IRS4: variants seen among roughly 807,000 people sequenced by gnomAD.
IRS4 encodes 160 kDa phosphotyrosine protein.
In IRS4, 15 loss-of-function variants were observed where a neutral mutation model predicts 48.6. The ratio of observed to expected loss-of-function variants is 0.31; its 90% CI spans 0.21 to 0.48. The LOEUF is 0.48. IRS4 is among the 20% of genes least tolerant of loss of function. IRS4 has a pLI of 0.99. For missense variants in IRS4, 987 were observed against 1,023.4 expected, an observed-to-expected ratio of 0.96 and a Z score of 0.49; for synonymous variants, 459 against 413.2, an observed-to-expected ratio of 1.11 and a Z score of -1.34.
chrX:108,727,851 G>T (rs1454560538), intron 1 of IRS4, among the ~76,000 whole-genome samples: 3 of 112,168 alleles, frequency 2.7e-5, no homozygotes, highest in Non-Finnish European at 5.6e-5. Context: ...ACTGCCAAAA[G>T]CAAGTTCACT....
chrX:108,721,071 T>G lies in IRS4; in HGVS notation c.*1448A>C, dbSNP rs1433625319. 8.9e-6 allele frequency: 1 copy of G among 112,477 alleles called. No individual in the cohort carries two copies. Among genetic ancestry groups the G allele is most frequent in the Non-Finnish European group, 1.9e-5 (1 of 53,286 alleles). The allele number at this position is 112,477 out of a possible 1,213,427, so 9.3% of individuals were successfully genotyped here. On this transcript the variant is annotated 3_prime_UTR_variant, in exon 2 of 2. Coordinates refer to ENST00000372129, the MANE Select transcript of IRS4 (RefSeq NM_001379150.1). Reference sequence around the variant, plus strand: ...CGAAGCAAATTTCATTTTAACAGAGTTTACACACAACAGGTACATCTACAA... The same window carrying G: ...CGAAGCAAATTTCATTTTAACAGAGGTTACACACAACAGGTACATCTACAA...
rs2068854129 is a variant in IRS4 at position 108,721,055 on chromosome X, T to A, written c.*1464A>T. On this transcript the variant is annotated 3_prime_UTR_variant, in exon 2 of 2. Transcript: ENST00000372129. ...AGTTGCACATTAAATGCGAAGCAAATTTCATTTTAACAGAGTTTACACACA... is the reference window on the plus strand; with the variant it reads ...AGTTGCACATTAAATGCGAAGCAAAATTCATTTTAACAGAGTTTACACACA... 8.9e-6 allele frequency: 1 copy of A among 112,943 alleles called. No homozygotes were observed. Among genetic ancestry groups the A allele is most frequent in the Non-Finnish European group, 1.9e-5 (1 of 53,413 alleles). The allele number at this position is 112,943 out of a possible 1,213,427, so 9.3% of individuals were successfully genotyped here. A position where few individuals can be genotyped will look rare whatever the true frequency, so the allele number is the denominator to read the frequency against.
Position 108,721,850 on chromosome X carries a change from A to G in IRS4, c.*669T>C, listed in dbSNP as rs769965892. The G allele has an allele frequency of 8.9e-6, 1 of 112,245 alleles. No homozygotes were observed. The highest frequency in any genetic ancestry group is 3.2e-5 in the African/African-American group (1 of 30,976). The allele number at this position is 112,245 out of a possible 1,213,427, so 9.3% of individuals were successfully genotyped here. On this transcript the variant is annotated 3_prime_UTR_variant, in exon 2 of 2. Coordinates refer to ENST00000372129, the MANE Select transcript of IRS4 (RefSeq NM_001379150.1). ...AATGTTGGAAATGCTCAATCAAGATATTAGTTTCATTGACATATAACATGA... is the reference window on the plus strand; with the variant it reads ...AATGTTGGAAATGCTCAATCAAGATGTTAGTTTCATTGACATATAACATGA...
Position 108,720,360 on chromosome X carries a change from ATAAAT to A in IRS4, c.*2154_*2158del, listed in dbSNP as rs2068851675. On this transcript the variant is annotated 3_prime_UTR_variant, in exon 2 of 2. Transcript: ENST00000372129. ...AAAGATTCTTCCAGCACAATACTGA[ATAAAT>A]TAATTGTCTGTAAACTAATAAATAA... The A allele has an allele frequency of 1.8e-5, 2 of 112,506 alleles. No individual in the cohort carries two copies. Among genetic ancestry groups the A allele is most frequent in the African/African-American group, 6.5e-5 (2 of 30,961 alleles). 9.3% of individuals were successfully genotyped at this position (112,506 alleles called of 1,213,427 possible).
At chrX:108,729,040 C>G (rs2068887179) in intron 1 of IRS4, among the ~76,000 whole-genome samples, 1 of 111,703 alleles carries the variant, frequency 9.0e-6, no homozygotes, top group African/African-American at 3.3e-5. Context: ...AGGACAAATA[C>G]CTCATTAGTC....
intron 1 of IRS4, chrX:108,725,938 C>G (rs1436275606): frequency 8.9e-6 from 1 of 111,923 alleles, no homozygotes; most frequent in Admixed American, 9.5e-5. Context: ...CATGTGCATT[C>G]CAGTCTTGAG....
rs2068917832 is a variant in IRS4, at chrX:108,733,217, C to A, written c.3128G>T (p.Gly1043Val). The A allele has an allele frequency of 2.5e-6, 3 of 1,210,087 alleles. No homozygotes were observed. The highest frequency in any genetic ancestry group is 3.4e-6 in the Non-Finnish European group (3 of 895,305). Residue 1043 changes from glycine to valine, a missense_variant, in exon 1 of 2, where the codon GGT becomes GTT. Physicochemically the swap from Gly to Val is moderately radical, Grantham distance 109. This residue lies in a region of IRS4 where 720 missense variants were observed against 660.3 expected (regional missense o/e 1.09). Coordinates refer to ENST00000372129, the MANE Select transcript of IRS4 (RefSeq NM_001379150.1). The stretch of plus-strand genomic sequence containing the variant: ...AAATGGGTCGACCACATAGATTCGA[C>A]CTGTTTCAGCATCATAGCGAATGGC... ...DSAIRYDAET[G>V]RIYVVDPFSE...
chrX:108,733,876 A>C lies in IRS4; in HGVS notation c.2469T>G (p.Asn823Lys). 8.3e-6 allele frequency: 10 copies of C among 1,211,393 alleles called. No individual in the cohort carries two copies. The highest frequency in any genetic ancestry group is 1.1e-5 in the Non-Finnish European group (10 of 895,456). ...NPFRSSPLGQNDNSEYVPMLP... is the reference protein window; with the variant it reads ...NPFRSSPLGQKDNSEYVPMLP... ...ACATTGGCACATACTCACTGTTGTC[A>C]TTCTGTCCCAAAGGTGAGCTCCGAA... Residue 823 changes from asparagine to lysine, a missense_variant, in exon 1 of 2, where the codon AAT (asparagine) becomes AAG (lysine). Transcript: ENST00000372129.
rs974342460 is a variant in IRS4, at chrX:108,721,871, CAT to C, written c.*646_*647del. 4 of 111,853 alleles carry C rather than the reference CAT, an allele frequency of 3.6e-5. No homozygotes were observed. The highest frequency in any genetic ancestry group is 7.5e-5 in the Non-Finnish European group (4 of 53,158). 9.2% of individuals were successfully genotyped at this position (111,853 alleles called of 1,213,427 possible). A position where few individuals can be genotyped will look rare whatever the true frequency, so the allele number is the denominator to read the frequency against. On this transcript the variant is annotated 3_prime_UTR_variant, in exon 2 of 2. Transcript: ENST00000372129. ...AGATATTAGTTTCATTGACATATAA[CAT>C]GAGCAGAATGTTGCAGTTTTGCTAA...
Position 108,721,642 on chromosome X carries a change from GC to G in IRS4, c.*876del, listed in dbSNP as rs2068856420. The G allele has an allele frequency of 9.0e-6, 1 of 110,949 alleles. No individual in the cohort carries two copies. Among genetic ancestry groups the G allele is most frequent in the East Asian group, 2.8e-4 (1 of 3,559 alleles). 9.1% of individuals were successfully genotyped at this position (110,949 alleles called of 1,213,427 possible). A position where few individuals can be genotyped will look rare whatever the true frequency, so the allele number is the denominator to read the frequency against. On this transcript the variant is annotated 3_prime_UTR_variant, in exon 2 of 2. Coordinates refer to ENST00000372129, the MANE Select transcript of IRS4 (RefSeq NM_001379150.1). ...GAATAGAGGTTGAAAGTGGGGAGAG[GC>G]CCAGAGAAGCAGGGAGGGGCCTTGG...
intron 1 of IRS4, chrX:108,723,700 G>A (rs1012621405): frequency 8.9e-6 from 1 of 112,437 alleles, no homozygotes; most frequent in South Asian, 3.7e-4. Context: ...GCAACATGGT[G>A]AAACCCTGTC....
chrX:108,730,298 ACACCACCACCAC>A (rs1177982399), intron 1 of IRS4, among the ~76,000 whole-genome samples: 20 of 105,782 alleles, frequency 1.9e-4, no homozygotes, highest in South Asian at 4.3e-4. Flanking sequence ...ACCACCATCA[ACACCACCACCAC>A]CACCACCACC....
Position 108,732,938 on chromosome X carries a change from G to C in IRS4, c.3407C>G (p.Ala1136Gly). Reference protein sequence around the residue: ...PTLALSQVVAAASALAAAPGI... With the variant: ...PTLALSQVVAGASALAAAPGI... ...CGGGGCTGCGGCGAGCGCGGAGGCC[G>C]CAGCTACAACTTGGCTGAGGGCTAA... The change falls in exon 1 of 2, where the codon GCG (alanine) becomes GGG (glycine). Residue 1136 changes from alanine (A) to glycine (G), a missense_variant. Physicochemically the swap from Ala to Gly is moderately conservative, Grantham distance 60 (BLOSUM62 0). Coordinates refer to ENST00000372129, the MANE Select transcript of IRS4 (RefSeq NM_001379150.1). 1 of 1,187,559 alleles carries C rather than the reference G, an allele frequency of 8.4e-7. No homozygotes were observed. The highest frequency in any genetic ancestry group is 1.1e-6 in the Non-Finnish European group (1 of 881,570).
At chrX:108,732,260 T>C (rs1419617376) in intron 1 of IRS4, among the ~76,000 whole-genome samples, 6 of 112,556 alleles carry the variant, frequency 5.3e-5, no homozygotes, top group Admixed American at 1.9e-4. Context: ...TATCCTGCTT[T>C]ACATTATCAT....
chrX:108,722,762 G>A, intron 1 of IRS4: 1 of 204,010 alleles, frequency 4.9e-6, no homozygotes, highest in South Asian at 7.5e-5. Flanking sequence ...CCCCCAGGCT[G>A]TCACTGACAT....
Position 108,736,207 on chromosome X carries a change from G to C in IRS4, c.138C>G (p.Thr46=), listed in dbSNP as rs73253702. The C allele has an allele frequency of 1.8e-5, 22 of 1,208,244 alleles. No individual in the cohort carries two copies. Among genetic ancestry groups the C allele is most frequent in the Non-Finnish European group, 8.9e-6 (8 of 894,652 alleles). ...ACATGGCTCCCGGACAAGACGACCC[G>C]GTCCCAATGAGTGCGGTCGGGGTTC... The part of the protein sequence containing the change: ...SSGTPTALIG[T]GSSCPGAMWL... Residue 46 remains threonine (T), a synonymous_variant, in exon 1 of 2, where the codon ACC becomes ACG. Coordinates refer to ENST00000372129, the MANE Select transcript of IRS4 (RefSeq NM_001379150.1).
chrX:108,724,526 T>C (rs968551189), intron 1 of IRS4: 2 of 112,052 alleles, frequency 1.8e-5, no homozygotes, highest in African/African-American at 6.5e-5. Context: ...CTATTTTACT[T>C]AGGCCAATAT....
At position 108,734,528 on chromosome X, in the gene IRS4, C is replaced by T. The variant is rs367909187; in HGVS notation, c.1817G>A (p.Arg606His). The T allele has an allele frequency of 2.5e-6, 3 of 1,209,396 alleles. No homozygotes were observed. The highest frequency in any genetic ancestry group is 1.8e-5 in the South Asian group (1 of 56,776). ...SGKGSDGDGE[R>H]GKSLKKRSYF... ...GGATCTTTTCTTCAGAGATTTTCCA[C>T]GTTCACCATCACCATCGGATCCTTT... Residue 606 changes from arginine to histidine, a missense_variant, in exon 1 of 2, where the codon CGT becomes CAT. By Grantham distance (29) the Arg-to-His change is conservative (BLOSUM62 0). Coordinates refer to ENST00000372129, the MANE Select transcript of IRS4 (RefSeq NM_001379150.1).
At position 108,721,014 on chromosome X, in the gene IRS4, T is replaced by C. The variant is rs1020408972; in HGVS notation, c.*1505A>G. 8.8e-6 allele frequency: 1 copy of C among 113,121 alleles called. No homozygotes were observed. Among genetic ancestry groups the C allele is most frequent in the African/African-American group, 3.2e-5 (1 of 31,169 alleles). The allele number at this position is 113,121 out of a possible 1,213,427, so 9.3% of individuals were successfully genotyped here. ...CAAGTAGTGAAAACCTTTAGATAAA[T>C]ATTACACTACTTCAAAGTTGCACAT... On this transcript the variant is annotated 3_prime_UTR_variant, in exon 2 of 2. Transcript: ENST00000372129.
Sources: gnomAD v4.1 joint callset for allele counts (sites outside exome capture counted in the v4.1 genomes callset) on GRCh38, gnomAD v4.1.1 for gene constraint, gnomAD v4.1.1 regional missense constraint, MANE v1.5 for transcripts, NCBI Gene and HGNC (gene_info 2026-07-23, HGNC 2026-07-21) for gene names.